The following SCML2 variants were observed in gnomAD, a reference collection of about 807,000 sequenced individuals.
SCML2 encodes sex comb on midleg-like protein 2.
In SCML2, 6 loss-of-function variants were observed where a neutral mutation model predicts 48.4. The observed-to-expected ratio is 0.12, with a 90% CI of 0.07 to 0.24. The LOEUF (loss-of-function observed/expected upper bound fraction) is 0.24. SCML2 is among the 10% of genes least tolerant of loss of function. SCML2 has a pLI of 1.00. For missense variants in SCML2, 377 were observed against 528.2 expected, an observed-to-expected ratio of 0.71 and a Z score of 2.81; for synonymous variants, 181 against 189.5, an observed-to-expected ratio of 0.95 and a Z score of 0.37.
intron 7 of SCML2, among the ~76,000 whole-genome samples, chrX:18,293,035 G>A (rs1654824661): frequency 9.0e-6 from 1 of 111,521 alleles, no homozygotes; most frequent in South Asian, 3.7e-4. Context: ...AAGAAAAGTA[G>A]TATGAAGCCA....
intron 1 of SCML2, among the ~76,000 whole-genome samples, chrX:18,336,508 G>A (rs992139862): frequency 2.8e-5 from 3 of 107,140 alleles, no homozygotes; most frequent in African/African-American, 6.8e-5. Context: ...AGGCCGAGGC[G>A]GGGGGATCAC....
intron 7 of SCML2, among the ~76,000 whole-genome samples, chrX:18,298,619 G>A (rs1420398767): frequency 9.0e-6 from 1 of 111,559 alleles, no homozygotes; most frequent in Non-Finnish European, 1.9e-5. Flanking sequence ...CACTTTGGGA[G>A]GCCAAGGCAG....
chrX:18,249,283 TC>T (rs748255210), intron 11 of SCML2, among the ~76,000 whole-genome samples: 145 of 111,202 alleles, frequency 1.3e-3, no homozygotes, highest in African/African-American at 4.6e-3. Context: ...CCTAATATAA[TC>T]CCCCTCACCC....
chrX:18,258,341 CCACTT>C, intron 9 of SCML2, 94 bp from the exon 10 acceptor site: 1 of 584,128 alleles, frequency 1.7e-6, no homozygotes. Flanking sequence ...ATCCCACTAT[CCACTT>C]CACTCACAGA....
In SCML2 at chrX:18,252,103, G is replaced by A. The variant is rs199846599; in HGVS notation, c.1457-4221C>T. 9.0e-5 allele frequency among the ~76,000 whole-genome samples: 10 copies of A among 111,327 alleles called. No homozygotes were observed. The East Asian group carries it at 2.6e-3, about 28-fold the overall frequency. On this transcript the variant is annotated intron_variant, in intron 11 of 14. Transcript: ENST00000251900. Reference sequence around the variant, plus strand: ...AGCCTGGATGACATAGTGAAACCACGTCTCTACTAAAAATACAAAAATTAG... The same window carrying A: ...AGCCTGGATGACATAGTGAAACCACATCTCTACTAAAAATACAAAAATTAG...
Position 18,252,266 on chromosome X carries a change from T to G in SCML2, c.1457-4384A>C, listed in dbSNP as rs1010793584. Among the ~76,000 whole-genome samples the G allele has an allele frequency of 3.8e-4, 43 of 112,534 alleles. 1 individual carries two copies. Among genetic ancestry groups the G allele is most frequent in the Middle Eastern group, 4.7e-3 (1 of 213 alleles). The stretch of plus-strand genomic sequence containing the variant: ...TCCAGCCTAGGCAACAGAGCGAGAC[T>G]CCGTCTCAAAAAAACAAAACAAACA... On this transcript the variant is annotated intron_variant, in intron 11 of 14. Transcript: ENST00000251900.
intron 4 of SCML2, 34 bp downstream of exon 4, chrX:18,324,873 T>C (rs369329884): frequency 6.8e-6 from 7 of 1,031,982 alleles, no homozygotes; most frequent in Non-Finnish European, 6.8e-6. Flanking sequence ...GTTAATAGTT[T>C]ACATTAACTA....
chrX:18,329,527 A>G (rs1929587794), intron 3 of SCML2, among the ~76,000 whole-genome samples: 1 of 112,455 alleles, frequency 8.9e-6, no homozygotes, highest in East Asian at 2.8e-4. Context: ...TTATTTTTTA[A>G]TGCCTTTTGT....
intron 7 of SCML2, among the ~76,000 whole-genome samples, chrX:18,271,703 G>T (rs186406095): frequency 4.0e-4 from 43 of 107,645 alleles, no homozygotes; most frequent in Non-Finnish European, 7.5e-4. Flanking sequence ...GATAGTATCA[G>T]ACTCCATATA....
At chrX:18,298,566 A>C (rs1382044529) in intron 7 of SCML2, among the ~76,000 whole-genome samples, 9 of 112,158 alleles carry the variant, frequency 8.0e-5, no homozygotes, top group Non-Finnish European at 1.7e-4. Context: ...ATGTAAAAGA[A>C]TGAAACTAGG....
intron 1 of SCML2, among the ~76,000 whole-genome samples, chrX:18,351,782 C>T (rs1294254542): frequency 1.8e-5 from 2 of 110,947 alleles, no homozygotes; most frequent in Non-Finnish European, 3.8e-5. Context: ...TGCTATTAAC[C>T]CCAAAAGAAA....
intron 7 of SCML2, among the ~76,000 whole-genome samples, chrX:18,286,203 AAAAC>A (rs1326848687): frequency 1.1e-4 from 12 of 111,775 alleles, no homozygotes; most frequent in Non-Finnish European, 1.7e-4. Context: ...TGTCCCCAAA[AAAAC>A]AAACAACTTA....
At chrX:18,242,253 CACTT>C (rs1926290979) in intron 14 of SCML2, among the ~76,000 whole-genome samples, 182 bp downstream of exon 14, 1 of 111,595 alleles carries the variant, frequency 9.0e-6, no homozygotes, top group Non-Finnish European at 1.9e-5. Flanking sequence ...CCTGGATACT[CACTT>C]AAAGAACAGA....
chrX:18,247,941 C>A, intron 11 of SCML2, 59 bp from the exon 12 acceptor site: 1 of 782,430 alleles, frequency 1.3e-6, no homozygotes, highest in Non-Finnish European at 1.9e-6. Flanking sequence ...CAAGCATTTT[C>A]ATATCATCAG....
intron 7 of SCML2, among the ~76,000 whole-genome samples, chrX:18,285,554 G>T (rs1421791920): frequency 9.1e-6 from 1 of 110,132 alleles, no homozygotes; most frequent in Non-Finnish European, 1.9e-5. Context: ...GACTACGGGG[G>T]GGTGAGGAGG....
chrX:18,315,545 T>C (rs1929093411), intron 6 of SCML2, among the ~76,000 whole-genome samples: 2 of 111,177 alleles, frequency 1.8e-5, no homozygotes, highest in African/African-American at 3.3e-5. Flanking sequence ...GTTGTCAGAA[T>C]CAAAATGGAG....
Position 18,350,885 on chromosome X carries a change from C to T in SCML2, c.-25+3707G>A, listed in dbSNP as rs373299806. ...ATGCCATTTTAATCTAAGATAAACG[C>T]CAGTGGTTTCTTTTATCTATTTCCC... On this transcript the variant is annotated intron_variant, in intron 1 of 14. Transcript: ENST00000251900. Among the ~76,000 whole-genome samples, 3 of 111,316 alleles carry T rather than the reference C, an allele frequency of 2.7e-5. No individual in the cohort carries two copies. In the South Asian group the frequency reaches 1.1e-3, roughly 42 times the overall value.
At chrX:18,352,146 C>T (rs1407597491) in intron 1 of SCML2, among the ~76,000 whole-genome samples, 1 of 111,567 alleles carries the variant, frequency 9.0e-6, no homozygotes, top group Non-Finnish European at 1.9e-5. Flanking sequence ...GGATCATAAC[C>T]CTTATTTGTT....
intron 1 of SCML2, among the ~76,000 whole-genome samples, chrX:18,343,951 G>GAAA (rs1930116430): frequency 1.1e-5 from 1 of 90,720 alleles, no homozygotes; most frequent in Non-Finnish European, 2.2e-5. Context: ...AAGAAAGAAA[G>GAAA]AAAAGAAAAG....
Sources: allele counts gnomAD v4.1 joint callset (sites outside exome capture counted in the v4.1 genomes callset), GRCh38; gene constraint gnomAD v4.1.1; transcripts MANE v1.5; gene names NCBI Gene and HGNC (gene_info 2026-07-23, HGNC 2026-07-21).